The following BCKDHA variants were observed in gnomAD, a reference collection of about 807,000 sequenced individuals.
The protein encoded by BCKDHA is branched chain keto acid dehydrogenase E1 subunit alpha.
Under a neutral mutation model 52.2 loss-of-function variants are expected in BCKDHA, and 43 were observed. The observed-to-expected ratio is 0.82, with a 90% CI of 0.64 to 1.06. BCKDHA has a LOEUF of 1.06. Ranked by LOEUF, BCKDHA falls within the 50% of genes least tolerant of loss-of-function variation. The pLI, the probability that BCKDHA is intolerant of heterozygous loss-of-function variation, is 0.00. For missense variants in BCKDHA, 527 were observed against 621.3 expected (o/e 0.85, Z 1.61); for synonymous variants, 234 against 247.9 (o/e 0.94, Z 0.53).
chr19:41,414,103 A>C lies in BCKDHA; in HGVS notation c.430A>C (p.Ser144Arg), dbSNP rs1459747524. Residue 144 changes from serine (S) to arginine (R), a missense_variant, in exon 4 of 9, where the codon AGT becomes CGT. By Grantham distance (110) the Ser-to-Arg change is moderately radical (BLOSUM62 -1). Transcript: ENST00000269980. Reference protein sequence around the residue: ...NYGEEGTHVGSAAALDNTDLV... With the variant: ...NYGEEGTHVGRAAALDNTDLV... ...TGGTGAGGAGGGCACGCACGTGGGG[A>C]GTGCCGCCGCCCTGGACAACACGGA... 6.2e-7 allele frequency: 1 copy of C among 1,613,688 alleles called. No individual in the cohort carries two copies. Among genetic ancestry groups the C allele is most frequent in the Non-Finnish European group, 8.5e-7 (1 of 1,180,024 alleles).
At chr19:41,401,647 G>A (rs1017400025) in intron 1 of BCKDHA, among the ~76,000 whole-genome samples, 1 of 152,154 alleles carries the variant, frequency 6.6e-6, no homozygotes, top group Non-Finnish European at 1.5e-5. Context: ...TCAGGGAAAG[G>A]AGGAGGAAGG....
chr19:41,403,871 T>G (rs958804315), intron 1 of BCKDHA, among the ~76,000 whole-genome samples: 1 of 152,224 alleles, frequency 6.6e-6, no homozygotes, highest in Admixed American at 6.5e-5. Context: ...CTAGAGACCC[T>G]CATCCTACCT....
intron 4 of BCKDHA, among the ~76,000 whole-genome samples, chr19:41,416,559 C>T (rs2039310009): frequency 6.6e-6 from 1 of 152,164 alleles, no homozygotes; most frequent in Admixed American, 6.5e-5. Context: ...GCTGTCTTCC[C>T]AGGGCTATAT....
chr19:41,403,937 T>A (rs142212570), intron 1 of BCKDHA, among the ~76,000 whole-genome samples: 6 of 152,362 alleles, frequency 3.9e-5, no homozygotes, highest in Non-Finnish European at 5.9e-5. Flanking sequence ...CGTTTTTTTT[T>A]ATTTTAAAAT....
chr19:41,408,363 C>G (rs1053374112), intron 1 of BCKDHA, among the ~76,000 whole-genome samples: 3 of 151,952 alleles, frequency 2.0e-5, no homozygotes, highest in Admixed American at 6.6e-5. Context: ...GATAATCAAC[C>G]TCACAAATTC....
At chr19:41,421,004 G>C (rs146222939) in intron 5 of BCKDHA, among the ~76,000 whole-genome samples, 4 of 152,302 alleles carry the variant, frequency 2.6e-5, no homozygotes, top group African/African-American at 9.6e-5. Flanking sequence ...CAGCACAGCA[G>C]GAGGCTCCAC....
chr19:41,411,513 G>GC (rs3217386), intron 3 of BCKDHA, among the ~76,000 whole-genome samples: 99,703 of 151,884 alleles, frequency 0.66, 33,778 homozygotes, highest in African/African-American at 0.82. Flanking sequence ...GATCCAGGGG[G>GC]TCTTCCAGGC....
chr19:41,409,894 G>A (rs975015606), intron 1 of BCKDHA, among the ~76,000 whole-genome samples: 8 of 146,428 alleles, frequency 5.5e-5, no homozygotes, highest in South Asian at 2.2e-4. Context: ...CCCACCTCCC[G>A]GGTTCAAGTG....
At chr19:41,416,119 T>G (rs2039305592) in intron 4 of BCKDHA, among the ~76,000 whole-genome samples, 1 of 152,090 alleles carries the variant, frequency 6.6e-6, no homozygotes, top group Non-Finnish European at 1.5e-5. Context: ...AATTTTTGTA[T>G]TTTTAGTAGA....
intron 5 of BCKDHA, among the ~76,000 whole-genome samples, chr19:41,420,226 G>A (rs1463078791): frequency 2.0e-5 from 3 of 152,212 alleles, no homozygotes; most frequent in Non-Finnish European, 4.4e-5. Flanking sequence ...CATAGCCAAC[G>A]TGTGCACCAG....
At chr19:41,418,839 C>T in intron 4 of BCKDHA, 1 of 431,660 alleles carries the variant, frequency 2.3e-6, no homozygotes, top group Non-Finnish European at 4.5e-6. Context: ...CATGCCTGGC[C>T]ATAGTAATGA....
At chr19:41,408,557 AG>A (rs1436180306) in intron 1 of BCKDHA, among the ~76,000 whole-genome samples, 1 of 151,700 alleles carries the variant, frequency 6.6e-6, no homozygotes, top group Non-Finnish European at 1.5e-5. Flanking sequence ...GGGCTTTCTC[AG>A]CCATTCCTCA....
chr19:41,419,744 C>T (rs1055812270), intron 5 of BCKDHA, among the ~76,000 whole-genome samples: 3 of 117,802 alleles, frequency 2.5e-5, no homozygotes, highest in Non-Finnish European at 5.1e-5. Flanking sequence ...GTGCCCAGCC[C>T]ACTTTTTTTT....
chr19:41,421,869 G>A (rs2039369469), intron 5 of BCKDHA, among the ~76,000 whole-genome samples: 1 of 152,148 alleles, frequency 6.6e-6, no homozygotes, highest in Non-Finnish European at 1.5e-5. Flanking sequence ...GGAGGTAAGA[G>A]GGGTTAGGTT....
Position 41,401,480 on chromosome 19 carries a change from T to C in BCKDHA, c.108+3545T>C, listed in dbSNP as rs148885979. On this transcript the variant is annotated intron_variant, in intron 1 of 8. Coordinates refer to ENST00000269980, the MANE Select transcript of BCKDHA (RefSeq NM_000709.4). The stretch of plus-strand genomic sequence containing the variant: ...GGATTACTGGGTTCACTGGGGAAGA[T>C]TGGATTAGAAGGAGGAGTGGGGCTG... Among the ~76,000 whole-genome samples the C allele has an allele frequency of 2.0e-3, 302 of 152,212 alleles. 1 individual carries two copies. The highest frequency in any genetic ancestry group is 7.0e-3 in the African/African-American group (291 of 41,534).
chr19:41,412,864 C>T (rs1162219677), intron 3 of BCKDHA, among the ~76,000 whole-genome samples: 4 of 152,112 alleles, frequency 2.6e-5, no homozygotes, highest in East Asian at 3.9e-4. Context: ...CCACCACACT[C>T]GGCTAATTTT....
chr19:41,418,091 C>CAAAAA (rs66838098), intron 4 of BCKDHA, among the ~76,000 whole-genome samples: 1 of 72,014 alleles, frequency 1.4e-5, no homozygotes, highest in Non-Finnish European at 2.5e-5. Flanking sequence ...GACTCTGTCT[C>CAAAAA]AAAAAAAAAA....
intron 1 of BCKDHA, among the ~76,000 whole-genome samples, chr19:41,403,425 T>C (rs2123241817): frequency 6.6e-6 from 1 of 152,330 alleles, no homozygotes; most frequent in Middle Eastern, 3.4e-3. Flanking sequence ...CTGGATGCCT[T>C]ATGGGTTCAG....
At chr19:41,423,194 T>A in intron 8 of BCKDHA, 25 bp downstream of exon 8, 1 of 1,549,324 alleles carries the variant, frequency 6.5e-7, no homozygotes, top group Non-Finnish European at 8.7e-7. Context: ...CCCGGGAGGG[T>A]GTGCTGGGGG....
Sources: allele counts gnomAD v4.1 joint callset (sites outside exome capture counted in the v4.1 genomes callset), GRCh38; gene constraint gnomAD v4.1.1; transcripts MANE v1.5; gene names NCBI Gene and HGNC (gene_info 2026-07-23, HGNC 2026-07-21).